CDC42BPB: variants seen among roughly 807,000 people sequenced by gnomAD.
CDC42BPB encodes the protein CDC42 binding protein kinase beta, also known as serine/threonine-protein kinase MRCK beta.
Under a neutral mutation model 214.9 loss-of-function variants are expected in CDC42BPB, and 37 were observed. That is an observed-to-expected ratio of 0.17 (90% CI 0.13 to 0.23). The LOEUF (loss-of-function observed/expected upper bound fraction) is 0.23, where lower values mean the gene tolerates loss of function less well. Ranked by LOEUF, CDC42BPB falls within the 10% of genes least tolerant of loss-of-function variation. The probability of loss-of-function intolerance (pLI) is 1.00; values close to 1 mark genes in which losing one functional copy is unlikely to be tolerated. For synonymous variants in CDC42BPB, 931 were observed against 884.0 expected (o/e 1.05, Z -0.94); for missense variants, 1,694 against 2,227.0 (o/e 0.76, Z 4.82).
chr14:103,030,309 T>C (rs969571832), intron 1 of CDC42BPB, among the ~76,000 whole-genome samples: 6 of 152,240 alleles, frequency 3.9e-5, no homozygotes, highest in African/African-American at 1.4e-4. Context: ...CTGGTTCTTT[T>C]AAAAAAGAGG....
intron 1 of CDC42BPB, among the ~76,000 whole-genome samples, chr14:103,013,981 C>T (rs1012642210): frequency 7.2e-5 from 11 of 152,038 alleles, no homozygotes; most frequent in Non-Finnish European, 1.0e-4. Context: ...CTGGCTAACA[C>T]GGTGAAACCC....
chr14:103,055,366 T>C (rs1208285739), intron 1 of CDC42BPB, among the ~76,000 whole-genome samples: 1 of 152,194 alleles, frequency 6.6e-6, no homozygotes, highest in Admixed American at 6.5e-5. Flanking sequence ...GAGGTTGTAG[T>C]GAGCCAAGAT....
chr14:103,031,635 T>C (rs980011010), intron 1 of CDC42BPB, among the ~76,000 whole-genome samples: 1 of 152,172 alleles, frequency 6.6e-6, no homozygotes, highest in African/African-American at 2.4e-5. Context: ...AGCCTGGTAT[T>C]TCTCTACAGG....
At chr14:103,014,204 A>G (rs1162046517) in intron 1 of CDC42BPB, among the ~76,000 whole-genome samples, 4 of 148,460 alleles carry the variant, frequency 2.7e-5, no homozygotes, top group Non-Finnish European at 5.9e-5. Flanking sequence ...GAGAGAGGTC[A>G]GGTCAACTCT....
At chr14:102,983,873 GATGA>G in intron 6 of CDC42BPB, 117 bp from the exon 7 acceptor site, 1 of 1,462,656 alleles carries the variant, frequency 6.8e-7, no homozygotes, top group Non-Finnish European at 9.0e-7. Context: ...GAATAAAACT[GATGA>G]ATGATCGTGT....
intron 1 of CDC42BPB, among the ~76,000 whole-genome samples, chr14:103,053,076 G>A (rs1252068517): frequency 1.2e-4 from 18 of 151,962 alleles, no homozygotes; most frequent in Admixed American, 9.8e-4. Flanking sequence ...AAGGCCAGGC[G>A]TGGTGGCTCA....
At chr14:102,951,443 G>A (rs1309045942) in intron 24 of CDC42BPB, among the ~76,000 whole-genome samples, 2 of 152,112 alleles carry the variant, frequency 1.3e-5, no homozygotes, top group Admixed American at 6.5e-5. Context: ...TCACTGAGGG[G>A]GTAAGAGCAT....
chr14:102,984,444 CCAGGCATTAGCCGGGTGCT>C (rs1434700706), intron 6 of CDC42BPB, among the ~76,000 whole-genome samples: 1 of 152,098 alleles, frequency 6.6e-6, no homozygotes, highest in African/African-American at 2.4e-5. Context: ...AGAAGTTGGT[CCAGGCATTAGCCGGGTGCT>C]CAGGCATTCC....
chr14:103,031,191 A>G (rs955715800), intron 1 of CDC42BPB, among the ~76,000 whole-genome samples: 1 of 152,122 alleles, frequency 6.6e-6, no homozygotes, highest in Non-Finnish European at 1.5e-5. Flanking sequence ...AAGCAGAGAA[A>G]GATGGCCAGT....
chr14:103,025,806 CAAA>C (rs1192104898), intron 1 of CDC42BPB, among the ~76,000 whole-genome samples: 1 of 78,858 alleles, frequency 1.3e-5, no homozygotes, highest in African/African-American at 4.8e-5. Flanking sequence ...GACTCTGTCT[CAAA>C]AAAAAAAAAA....
At chr14:103,028,769 C>A (rs2139696457) in intron 1 of CDC42BPB, among the ~76,000 whole-genome samples, 1 of 152,340 alleles carries the variant, frequency 6.6e-6, no homozygotes, top group African/African-American at 2.4e-5. Context: ...CAAGTACATG[C>A]AATTCTCCCT....
Position 102,940,281 on chromosome 14 carries a change from C to T in CDC42BPB, c.4452G>A (p.Val1484=). ...CCATGGTGCGCACATCAAAGACGTC[C>T]ACGCCATACTCGCTGTACACCGTGA... The part of the protein sequence containing the change: ...THVTVYSEYG[V]DVFDVRTMEW... Residue 1484 remains valine (V), a synonymous_variant, in exon 31 of 37, where the codon GTG becomes GTA. Transcript: ENST00000361246. 1 of 1,592,416 alleles carries T rather than the reference C, an allele frequency of 6.3e-7. No homozygotes were observed. The highest frequency in any genetic ancestry group is 2.3e-5 in the East Asian group (1 of 43,904).
At chr14:103,011,216 G>A (rs1299660103) in intron 2 of CDC42BPB, among the ~76,000 whole-genome samples, 1 of 152,204 alleles carries the variant, frequency 6.6e-6, no homozygotes, top group Non-Finnish European at 1.5e-5. Context: ...GGCCTCCTGG[G>A]GCAGGGCTCC....
chr14:102,937,613 C>T (rs147159154), intron 36 of CDC42BPB, among the ~76,000 whole-genome samples: 12 of 152,342 alleles, frequency 7.9e-5, no homozygotes, highest in South Asian at 2.1e-4. Context: ...ATCCCCATTC[C>T]GCACAGGGGA....
At chr14:102,971,427 G>C (rs970924314) in intron 13 of CDC42BPB, among the ~76,000 whole-genome samples, 34 of 152,224 alleles carry the variant, frequency 2.2e-4, no homozygotes, top group Non-Finnish European at 4.4e-5. Context: ...GAATGGTGCT[G>C]AGCCAAGACA....
Position 103,006,994 on chromosome 14 carries a change from T to C in CDC42BPB, c.351+1478A>G, listed in dbSNP as rs570904619. ...TAACATTCCTGTGTTTGCCACTGTT[T>C]GGGGCGGGGAAAGGGCTGCTGGGGC... On this transcript the variant is annotated intron_variant, in intron 3 of 36. Coordinates refer to ENST00000361246, the MANE Select transcript of CDC42BPB (RefSeq NM_006035.4). Among the ~76,000 whole-genome samples, 42 of 152,286 alleles carry C rather than the reference T, an allele frequency of 2.8e-4. No homozygotes were observed. In the South Asian group the frequency reaches 7.7e-3, roughly 28 times the overall value.
At position 103,008,351 on chromosome 14, in the gene CDC42BPB, G is replaced by T. The variant is rs1885965320; in HGVS notation, c.351+121C>A. 3 of 706,182 alleles carry T rather than the reference G, an allele frequency of 4.2e-6. No individual in the cohort carries two copies. In the South Asian group the frequency reaches 4.9e-5, roughly 12 times the overall value. The allele number at this position is 706,182 out of a possible 1,614,324, so 43.7% of individuals were successfully genotyped here. On this transcript the variant is annotated intron_variant, in intron 3 of 36. Coordinates refer to ENST00000361246, the MANE Select transcript of CDC42BPB (RefSeq NM_006035.4). ...CTCCTCAAAAGAGAGTGCTCGCTCT[G>T]TCCGGGGGGCAGGGAGGCCCAGGGC... is the stretch of plus-strand genomic sequence containing the variant.
chr14:103,053,777 A>G (rs1408902222), intron 1 of CDC42BPB, among the ~76,000 whole-genome samples: 1 of 151,792 alleles, frequency 6.6e-6, no homozygotes, highest in East Asian at 1.9e-4. Flanking sequence ...AAAAAAAAAA[A>G]GTTGAAATGA....
At chr14:102,939,273 T>C (rs1013037180) in intron 34 of CDC42BPB, among the ~76,000 whole-genome samples, 70 of 152,228 alleles carry the variant, frequency 4.6e-4, no homozygotes, top group African/African-American at 1.6e-3. Flanking sequence ...AGAGAAAGTA[T>C]GCTATCTGTT....
Sources: gnomAD v4.1 joint callset for allele counts (sites outside exome capture counted in the v4.1 genomes callset) on GRCh38, gnomAD v4.1.1 for gene constraint, MANE v1.5 for transcripts, NCBI Gene and HGNC (gene_info 2026-07-23, HGNC 2026-07-21) for gene names.